Variants in PCDH9 observed in about 807,000 individuals in gnomAD.
PCDH9 encodes protocadherin-9.
Under a neutral mutation model 70.6 loss-of-function variants are expected in PCDH9, and 24 were observed. The ratio of observed to expected loss-of-function variants is 0.34; its 90% CI spans 0.25 to 0.48. The LOEUF is 0.48. Among genes scored for constraint, PCDH9 ranks in the 20% least tolerant of loss-of-function variants. The pLI, the probability that PCDH9 is intolerant of heterozygous loss-of-function variation, is 0.99. For synonymous variants in PCDH9, 562 were observed against 558.5 expected, an observed-to-expected ratio of 1.01 and a Z score of -0.09; for missense variants, 1,281 against 1,503.6, an observed-to-expected ratio of 0.85 and a Z score of 2.45.
At chr13:66,672,290 C>T (rs936707344) in intron 3 of PCDH9, among the ~76,000 whole-genome samples, 1 of 152,194 alleles carries the variant, frequency 6.6e-6, no homozygotes, top group African/African-American at 2.4e-5. Flanking sequence ...GAACTTTTCA[C>T]TATATGGGAG....
At chr13:66,827,508 T>C (rs2080846745) in intron 3 of PCDH9, among the ~76,000 whole-genome samples, 1 of 151,896 alleles carries the variant, frequency 6.6e-6, no homozygotes, top group African/African-American at 2.4e-5. Flanking sequence ...TGGTTATGAG[T>C]TGGACGTGGG....
intron 3 of PCDH9, among the ~76,000 whole-genome samples, chr13:66,898,222 T>G (rs2082215077): frequency 6.6e-6 from 1 of 152,066 alleles, no homozygotes; most frequent in Non-Finnish European, 1.5e-5. Flanking sequence ...TTTAAATATT[T>G]TAATATGTTA....
At position 66,441,741 on chromosome 13, in the gene PCDH9, A is replaced by AT. The variant is rs778252843; in HGVS notation, c.3341-136714dup. On this transcript the variant is annotated intron_variant, in intron 4 of 4. Coordinates refer to ENST00000377865, the MANE Select transcript of PCDH9 (RefSeq NM_203487.3). ...TATGATTAAATTTATTACAGCTTTT[A>AT]TTTTAACAATTTAGGGAAGGAAAAG... Among the ~76,000 whole-genome samples the AT allele has an allele frequency of 1.0e-3, 158 of 152,162 alleles. 1 individual carries two copies. The highest frequency in any genetic ancestry group is 2.0e-3 in the Non-Finnish European group (133 of 67,954).
chr13:66,418,766 C>T (rs1957507285), intron 4 of PCDH9, among the ~76,000 whole-genome samples: 1 of 151,944 alleles, frequency 6.6e-6, no homozygotes, highest in Non-Finnish European at 1.5e-5. Flanking sequence ...GATAGAGACA[C>T]AAAAAGACCT....
chr13:66,395,619 T>TA (rs1555288634), intron 4 of PCDH9, among the ~76,000 whole-genome samples: 1 of 151,280 alleles, frequency 6.6e-6, no homozygotes, highest in African/African-American at 2.4e-5. Flanking sequence ...AATAAATAAA[T>TA]AAATAAAATA....
chr13:67,066,978 G>A (rs1238947133), intron 2 of PCDH9, among the ~76,000 whole-genome samples: 1 of 152,114 alleles, frequency 6.6e-6, no homozygotes, highest in Non-Finnish European at 1.5e-5. Flanking sequence ...ATCCTCAATA[G>A]CATTGTTGCC....
chr13:66,980,730 G>GTTTTTTTTTTTTTTTTTTTTTTTT lies in PCDH9; in HGVS notation c.3037-77126_3037-77125insAAAAAAAAAAAAAAAAAAAAAAAA. ...TTTGTTTTTTCCTGTTTTTTTCTTT[G>GTTTTTTTTTTTTTTTTTTTTTTTT]TTTTTTTTTTTGTTTTTTTTTTTAC... On this transcript the variant is annotated intron_variant, in intron 2 of 4. Coordinates refer to ENST00000377865, the MANE Select transcript of PCDH9 (RefSeq NM_203487.3). Among the ~76,000 whole-genome samples the GTTTTTTTTTTTTTTTTTTTTTTTT allele has an allele frequency of 5.5e-4, 39 of 70,894 alleles. 1 individual carries two copies. Among genetic ancestry groups the GTTTTTTTTTTTTTTTTTTTTTTTT allele is most frequent in the South Asian group, 1.2e-3 (2 of 1,694 alleles). 46.5% of individuals were successfully genotyped at this position (70,894 alleles called of 152,430 possible). A position where few individuals can be genotyped will look rare whatever the true frequency, so the allele number is the denominator to read the frequency against.
At chr13:67,085,217 T>G (rs1389264581) in intron 2 of PCDH9, among the ~76,000 whole-genome samples, 2 of 151,490 alleles carry the variant, frequency 1.3e-5, no homozygotes, top group African/African-American at 4.8e-5. Flanking sequence ...CTGGTAGAAA[T>G]TCCATTGCAA....
intron 2 of PCDH9, among the ~76,000 whole-genome samples, chr13:67,153,494 T>C (rs1391699519): frequency 2.0e-5 from 3 of 152,170 alleles, no homozygotes; most frequent in Non-Finnish European, 2.9e-5. Context: ...ACAAGTATCT[T>C]ATAGCACTTT....
chr13:66,355,039 G>A (rs1277950643), intron 4 of PCDH9, among the ~76,000 whole-genome samples: 1 of 152,110 alleles, frequency 6.6e-6, no homozygotes, highest in Non-Finnish European at 1.5e-5. Flanking sequence ...CTGCCGGTCG[G>A]TCCATGGATC....
intron 3 of PCDH9, among the ~76,000 whole-genome samples, chr13:66,836,239 G>A (rs981808411): frequency 1.3e-5 from 2 of 152,094 alleles, no homozygotes; most frequent in African/African-American, 4.8e-5. Context: ...CCTCTTTCTC[G>A]ATAATCAAAA....
intron 4 of PCDH9, among the ~76,000 whole-genome samples, chr13:66,617,212 G>C (rs1359932217): frequency 1.3e-5 from 2 of 152,092 alleles, no homozygotes; most frequent in Non-Finnish European, 2.9e-5. Context: ...ACTCATGGTG[G>C]CACCTGCCAA....
chr13:67,129,490 T>C (rs1360479702), intron 2 of PCDH9, among the ~76,000 whole-genome samples: 1 of 152,126 alleles, frequency 6.6e-6, no homozygotes, highest in Non-Finnish European at 1.5e-5. Flanking sequence ...CCAGGATTTT[T>C]GGGCCTTTTT....
chr13:66,341,221 T>C (rs1263266606), intron 4 of PCDH9, among the ~76,000 whole-genome samples: 1 of 151,962 alleles, frequency 6.6e-6, no homozygotes, highest in Non-Finnish European at 1.5e-5. Context: ...GCATCCCCCG[T>C]AGCTGGGACT....
chr13:67,046,807 T>A (rs965283596), intron 2 of PCDH9, among the ~76,000 whole-genome samples: 3 of 152,034 alleles, frequency 2.0e-5, no homozygotes, highest in African/African-American at 7.2e-5. Context: ...TATAAACTTA[T>A]TTTTATCTGA....
intron 4 of PCDH9, among the ~76,000 whole-genome samples, chr13:66,605,317 T>A (rs2077210030): frequency 6.6e-6 from 1 of 152,110 alleles, no homozygotes. Context: ...CTGGTAATAA[T>A]GAAAATCAAC....
intron 4 of PCDH9, among the ~76,000 whole-genome samples, chr13:66,513,298 C>T (rs536340078): frequency 6.8e-6 from 1 of 147,456 alleles, no homozygotes; most frequent in South Asian, 2.1e-4. Flanking sequence ...CAAATGAAAA[C>T]TTTTACAAAA....
intron 3 of PCDH9, among the ~76,000 whole-genome samples, chr13:66,873,141 T>C (rs1476251721): frequency 6.6e-6 from 1 of 152,140 alleles, no homozygotes; most frequent in East Asian, 1.9e-4. Context: ...AGCAAAAAAG[T>C]AAAGTCAACC....
At chr13:67,184,459 T>G (rs956424523) in intron 2 of PCDH9, among the ~76,000 whole-genome samples, 5 of 152,138 alleles carry the variant, frequency 3.3e-5, no homozygotes, top group African/African-American at 1.2e-4. Flanking sequence ...CCAGGCATGG[T>G]GACTCATGCT....
Sources: allele counts gnomAD v4.1 joint callset (sites outside exome capture counted in the v4.1 genomes callset), GRCh38; gene constraint gnomAD v4.1.1; transcripts MANE v1.5; gene names NCBI Gene and HGNC (gene_info 2026-07-23, HGNC 2026-07-21).